ZNF208: variants seen among roughly 807,000 people sequenced by gnomAD.
ZNF208 encodes the protein zinc finger protein 95.
ZNF208 carries 10 observed loss-of-function variants against 12.1 expected under a neutral mutation model. The observed-to-expected ratio is 0.83, with a 90% CI of 0.51 to 1.40. ZNF208 has a LOEUF of 1.40. ZNF208 is among the 40% of genes most tolerant of loss of function. The pLI, the probability that ZNF208 is intolerant of heterozygous loss-of-function variation, is 0.00. For missense variants in ZNF208, 1,652 were observed against 1,485.0 expected (o/e 1.11, Z -1.85); for synonymous variants, 497 against 488.4 (o/e 1.02, Z -0.23).
chr19:21,960,144 T>C (rs765828213), intron 4 of ZNF208, among the ~76,000 whole-genome samples: 4 of 152,042 alleles, frequency 2.6e-5, no homozygotes, highest in Non-Finnish European at 5.9e-5. Flanking sequence ...TTATGTTGGG[T>C]GGGAGAGAAA....
intron 1 of ZNF208, among the ~76,000 whole-genome samples, chr19:21,997,418 A>G (rs539887490): frequency 2.6e-5 from 4 of 152,294 alleles, no homozygotes; most frequent in Non-Finnish European, 5.9e-5. Flanking sequence ...CTCTTCTACA[A>G]AAAGTGTTGA....
In ZNF208 at chr19:21,973,358, C is replaced by G. The variant is rs1456556351; in HGVS notation, c.1676G>C (p.Gly559Ala). ...GEKPYKCEECGKAYKWSSTLS... is the reference protein window; with the variant it reads ...GEKPYKCEECAKAYKWSSTLS... ...GGTTGAGGACCACTTATAGGCTTTG[C>G]CACATTCTTCACATTTGTAGGGTTT... is the stretch of plus-strand genomic sequence containing the variant. The change falls in exon 4 of 4, where the codon GGC becomes GCC. Residue 559 changes from glycine (G) to alanine (A), a missense_variant. By Grantham distance (60) the Gly-to-Ala change is moderately conservative. This residue lies in a region of ZNF208 where 1,239 missense variants were observed against 1,086.2 expected (regional missense o/e 1.14). Coordinates refer to ENST00000397126, the MANE Select transcript of ZNF208 (RefSeq NM_007153.3). 4 of 1,611,170 alleles carry G rather than the reference C, an allele frequency of 2.5e-6. No homozygotes were observed. In the East Asian group the frequency reaches 8.9e-5, roughly 36 times the overall value.
chr19:21,972,882 C>T lies in ZNF208; in HGVS notation c.2152G>A (p.Glu718Lys). ...LMEHKRIHTG[E>K]KPYKCEECGK... ...CATTCTTCACATTTGTAGGGTTTCT[C>T]TCCAGTATGAATTCTCTTATGTTCC... Residue 718 changes from glutamate to lysine, a missense_variant, in exon 4 of 4, where the codon GAG becomes AAG. Physicochemically the swap from Glu to Lys is moderately conservative, Grantham distance 56. Transcript: ENST00000397126. 1.2e-6 allele frequency: 2 copies of T among 1,613,402 alleles called. No homozygotes were observed. Among genetic ancestry groups the T allele is most frequent in the Non-Finnish European group, 1.7e-6 (2 of 1,179,870 alleles).
intron 3 of ZNF208, among the ~76,000 whole-genome samples, chr19:21,977,414 G>A (rs898123292): frequency 1.3e-5 from 2 of 152,162 alleles, no homozygotes; most frequent in Non-Finnish European, 2.9e-5. Context: ...CAGTGGGTGC[G>A]GCTCCCTGAG....
chr19:21,963,543 G>A (rs1970113047), downstream of ZNF208, among the ~76,000 whole-genome samples: 1 of 152,008 alleles, frequency 6.6e-6, no homozygotes, highest in Non-Finnish European at 1.5e-5. Context: ...AAAAAAAGGT[G>A]CTGAGTGGAG....
Position 21,974,278 on chromosome 19 carries a change from A to G in ZNF208, c.756T>C (p.Thr252=). The G allele has an allele frequency of 6.2e-7, 1 of 1,613,378 alleles. No homozygotes were observed. ...CTTCACATTTGTAGGATTTCTCTCC[A>G]GTATGAATTACCTTATGTTTAGTAA... ...SILTKHKVIH[T]GEKSYKCEEC... Residue 252 remains threonine, a synonymous_variant, in exon 4 of 4, where the codon ACT becomes ACC. Coordinates refer to ENST00000397126, the MANE Select transcript of ZNF208 (RefSeq NM_007153.3).
At chr19:21,941,039 G>C (rs1969731485) in intron 4 of ZNF208, 1 of 247,776 alleles carries the variant, frequency 4.0e-6, no homozygotes, top group South Asian at 1.8e-4. Flanking sequence ...TGGAACTGGC[G>C]CCCTCCGGAA....
At chr19:21,959,026 G>A (rs184559468) in intron 4 of ZNF208, among the ~76,000 whole-genome samples, 253 of 151,778 alleles carry the variant, frequency 1.7e-3, no homozygotes, top group African/African-American at 5.9e-3. Flanking sequence ...AGATTGCTGT[G>A]AACTGAGATC....
Position 21,973,178 on chromosome 19 carries a change from C to G in ZNF208, c.1856G>C (p.Ser619Thr), listed in dbSNP as rs111707784. 1.9e-6 allele frequency: 3 copies of G among 1,609,626 alleles called. No individual in the cohort carries two copies. Among genetic ancestry groups the G allele is most frequent in the Admixed American group, 3.4e-5 (2 of 59,558 alleles). ...YKCEECGKTF[S>T]KVSTLTTHKA... Reference sequence around the variant, plus strand: ...ATGTGTAGTAAGGGTTGAGACCTTACTAAAGGTTTTGCCACATTCTTCACA... The same window carrying G: ...ATGTGTAGTAAGGGTTGAGACCTTAGTAAAGGTTTTGCCACATTCTTCACA... Residue 619 changes from serine to threonine, a missense_variant, in exon 4 of 4, where the codon AGT becomes ACT. Ser to Thr is a moderately conservative substitution (Grantham distance 58, BLOSUM62 1). Around this residue, in one of 3 missense-constraint regions of ZNF208, gnomAD observed 1,239 missense variants for 1,086.2 expected, o/e 1.14. Transcript: ENST00000397126.
In ZNF208 at chr19:21,970,876, G is replaced by A; in HGVS notation, c.*315C>T. The A allele has an allele frequency of 6.6e-7, 1 of 1,519,256 alleles. No homozygotes were observed. Among genetic ancestry groups the A allele is most frequent in the South Asian group, 1.1e-5 (1 of 88,736 alleles). The allele number at this position is 1,519,256 out of a possible 1,614,324, so 94.1% of individuals were successfully genotyped here. On this transcript the variant is annotated 3_prime_UTR_variant, in exon 4 of 4. Transcript: ENST00000397126. Reference sequence around the variant, plus strand: ...CATTTGTAGGGTTTCTCTCCAGTATGAATTTTCTATGATAACTGAGGGTTG... The same window carrying A: ...CATTTGTAGGGTTTCTCTCCAGTATAAATTTTCTATGATAACTGAGGGTTG...
chr19:21,975,577 C>A (rs1449417483), intron 3 of ZNF208, among the ~76,000 whole-genome samples: 1 of 151,942 alleles, frequency 6.6e-6, no homozygotes, highest in African/African-American at 2.4e-5. Flanking sequence ...ATGTCCAAAT[C>A]TCAAAGATTA....
intron 4 of ZNF208, chr19:21,941,197 A>C (rs1969733942): frequency 5.0e-6 from 2 of 396,602 alleles, no homozygotes; most frequent in Admixed American, 4.4e-5. Flanking sequence ...AAGCTGCCCA[A>C]ACTCCTCAAA....
intron 3 of ZNF208, among the ~76,000 whole-genome samples, chr19:21,985,251 A>G (rs1970613839): frequency 6.6e-6 from 1 of 152,174 alleles, no homozygotes; most frequent in African/African-American, 2.4e-5. Flanking sequence ...CCCAACAGCA[A>G]GAAAGTTTGT....
Position 22,010,893 on chromosome 19 carries a change from C to T in ZNF208, c.-99G>A. 2 of 1,564,946 alleles carry T rather than the reference C, an allele frequency of 1.3e-6. No individual in the cohort carries two copies. Among genetic ancestry groups the T allele is most frequent in the Non-Finnish European group, 1.8e-6 (2 of 1,136,640 alleles). The stretch of plus-strand genomic sequence containing the variant: ...GCTGGGACTCTAGGAGCAGAGGACA[C>T]ACAGCAGTAAGGACGAGACCTTGAC... On this transcript the variant is annotated 5_prime_UTR_variant, in exon 1 of 4. In the 5' UTR this introduces an upstream ATG that the reference lacks. Transcript: ENST00000397126.
intron 1 of ZNF208, among the ~76,000 whole-genome samples, chr19:21,994,715 T>C (rs991650772): frequency 6.6e-6 from 1 of 152,138 alleles, no homozygotes; most frequent in Non-Finnish European, 1.5e-5. Context: ...ATAAGTATTC[T>C]TAGCAGGGTA....
At chr19:21,954,205 G>A (rs969744779) in intron 4 of ZNF208, among the ~76,000 whole-genome samples, 2 of 152,220 alleles carry the variant, frequency 1.3e-5, no homozygotes, top group Non-Finnish European at 2.9e-5. Flanking sequence ...GAGATAGTTT[G>A]TTGTGATTTC....
chr19:22,004,774 G>A (rs1338532841), intron 1 of ZNF208, among the ~76,000 whole-genome samples: 1 of 152,146 alleles, frequency 6.6e-6, no homozygotes, highest in Non-Finnish European at 1.5e-5. Flanking sequence ...TGGAGGGTGG[G>A]AGGACTAAAA....
Position 21,974,337 on chromosome 19 carries a change from C to G in ZNF208, c.697G>C (p.Glu233Gln), listed in dbSNP as rs371199411. Residue 233 changes from glutamate to glutamine, a missense_variant, in exon 4 of 4, where the codon GAA becomes CAA. By Grantham distance (29) the Glu-to-Gln change is conservative. Coordinates refer to ENST00000397126, the MANE Select transcript of ZNF208 (RefSeq NM_007153.3). ...HTGEKPYRCK[E>Q]CGKAFSKFSI... ...AACTTACTAAAGGCTTTGCCACATT[C>G]TTTACATCTGTAGGGTTTCTCTCCA... is the stretch of plus-strand genomic sequence containing the variant. 3.1e-6 allele frequency: 5 copies of G among 1,613,584 alleles called. No homozygotes were observed. Among genetic ancestry groups the G allele is most frequent in the African/African-American group, 1.3e-5 (1 of 74,898 alleles).
At chr19:21,951,367 T>A (rs534387509) in intron 4 of ZNF208, among the ~76,000 whole-genome samples, 2 of 152,304 alleles carry the variant, frequency 1.3e-5, no homozygotes, top group East Asian at 1.9e-4. Flanking sequence ...GTATGCAACG[T>A]GTGTAAAAAC....
Sources: allele counts gnomAD v4.1 joint callset (sites outside exome capture counted in the v4.1 genomes callset), GRCh38; gene constraint gnomAD v4.1.1; regional missense constraint gnomAD v4.1.1; transcripts MANE v1.5; gene names NCBI Gene and HGNC (gene_info 2026-07-23, HGNC 2026-07-21).